The following ALPK1 variants were observed in gnomAD, a reference collection of about 807,000 sequenced individuals.
The protein encoded by ALPK1 is alpha kinase 1, also known as alpha-protein kinase 1.
In ALPK1, 110 loss-of-function variants were observed where a neutral mutation model predicts 120.6. The ratio of observed to expected loss-of-function variants is 0.91; its 90% CI spans 0.78 to 1.07. The LOEUF (loss-of-function observed/expected upper bound fraction) is 1.07. Ranked by LOEUF, ALPK1 falls within the 50% of genes least tolerant of loss-of-function variation. ALPK1 has a pLI of 0.00. For synonymous variants in ALPK1, 582 were observed against 560.3 expected, an observed-to-expected ratio of 1.04 and a Z score of -0.55; for missense variants, 1,498 against 1,483.9, an observed-to-expected ratio of 1.01 and a Z score of -0.16.
chr4:112,323,673 A>T (rs1463910597), intron 2 of ALPK1, among the ~76,000 whole-genome samples: 1 of 152,228 alleles, frequency 6.6e-6, no homozygotes, highest in African/African-American at 2.4e-5. Flanking sequence ...ATGAATATTT[A>T]GGAAATTACA....
rs1027253865 is a variant in ALPK1 at position 112,357,817 on chromosome 4, G to C, written c.-100-19861G>C. 7.7e-6 allele frequency: 8 copies of C among 1,034,948 alleles called. No individual in the cohort carries two copies. The African/African-American group carries it at 7.9e-5, about 10-fold the overall frequency. The allele number at this position is 1,034,948 out of a possible 1,614,324, so 64.1% of individuals were successfully genotyped here. A position where few individuals can be genotyped will look rare whatever the true frequency, so the allele number is the denominator to read the frequency against. ...CTTCTTCCCTTCATATCCCATCATG[G>C]AAAAGAGCCTGGAGTTCTGGCAGGC... On this transcript the variant is annotated intron_variant, in intron 2 of 15. Coordinates refer to ENST00000650871, the MANE Select transcript of ALPK1 (RefSeq NM_025144.4).
At chr4:112,318,371 G>C (rs779251600) in intron 2 of ALPK1, among the ~76,000 whole-genome samples, 3 of 152,202 alleles carry the variant, frequency 2.0e-5, no homozygotes, top group Non-Finnish European at 4.4e-5. Context: ...TCCATTTAAA[G>C]ATGAAGAAAC....
intron 1 of ALPK1, among the ~76,000 whole-genome samples, chr4:112,308,171 G>A (rs538781965): frequency 2.0e-5 from 3 of 152,156 alleles, no homozygotes; most frequent in African/African-American, 2.4e-5. Context: ...CTCTCTGGCC[G>A]CCCTTAACAT....
intron 2 of ALPK1, among the ~76,000 whole-genome samples, chr4:112,374,276 C>T (rs1431241019): frequency 3.9e-5 from 6 of 152,202 alleles, no homozygotes; most frequent in Admixed American, 3.9e-4. Context: ...AACCACCTTC[C>T]TTGCCCATCT....
chr4:112,320,331 T>C (rs1391352606), intron 2 of ALPK1, among the ~76,000 whole-genome samples: 1 of 152,270 alleles, frequency 6.6e-6, no homozygotes, highest in Non-Finnish European at 1.5e-5. Context: ...ATTCTGTTTA[T>C]GTGGTGTATC....
chr4:112,326,379 T>C (rs1381634399), intron 2 of ALPK1, among the ~76,000 whole-genome samples: 2 of 152,018 alleles, frequency 1.3e-5, no homozygotes, highest in Non-Finnish European at 2.9e-5. Context: ...CATAAATAGG[T>C]CAGATAAAGA....
chr4:112,397,841 T>C lies in ALPK1; in HGVS notation c.277-13986T>C, dbSNP rs371985460. Among the ~76,000 whole-genome samples the C allele has an allele frequency of 1.8e-4, 27 of 152,276 alleles. No individual in the cohort carries two copies. In the East Asian group the frequency reaches 3.3e-3, roughly 18 times the overall value. ...CAGCTTCTTAAAATATATATATTCC[T>C]AGGTCTTACTACCTCGAGTTTCTGA... On this transcript the variant is annotated intron_variant, in intron 4 of 15. Transcript: ENST00000650871.
intron 2 of ALPK1, among the ~76,000 whole-genome samples, chr4:112,333,664 G>T (rs531922935): frequency 4.8e-4 from 73 of 152,266 alleles, no homozygotes; most frequent in African/African-American, 1.7e-3. Context: ...ACCCAAAGGA[G>T]CTATATTCCT....
intron 5 of ALPK1, 186 bp from the exon 6 acceptor site, chr4:112,423,758 G>C (rs1215354894): frequency 1.4e-5 from 10 of 712,572 alleles, no homozygotes; most frequent in Non-Finnish European, 2.5e-5. Flanking sequence ...ACCAACTTAG[G>C]AAAACTTCAT....
At chr4:112,319,839 A>T (rs924296161) in intron 2 of ALPK1, among the ~76,000 whole-genome samples, 4 of 152,204 alleles carry the variant, frequency 2.6e-5, no homozygotes, top group Non-Finnish European at 4.4e-5. Flanking sequence ...TTTGAATCTC[A>T]GCTTGGTCAC....
At chr4:112,382,310 TGCCAC>T in intron 3 of ALPK1, 83 bp from the exon 4 acceptor site, 4 of 762,294 alleles carry the variant, frequency 5.2e-6, no homozygotes, top group South Asian at 3.0e-5. Context: ...TTTTTTTTTT[TGCCAC>T]TGAGGTGCTT....
chr4:112,359,793 C>T (rs1317140627), intron 2 of ALPK1: 9 of 430,358 alleles, frequency 2.1e-5, no homozygotes, highest in Non-Finnish European at 4.1e-5. Context: ...GAGCATCATG[C>T]AGGTCTTCTG....
At chr4:112,349,560 C>CCCCG (rs1553939343) in intron 2 of ALPK1, among the ~76,000 whole-genome samples, 3 of 146,614 alleles carry the variant, frequency 2.0e-5, no homozygotes, top group East Asian at 2.1e-4. Flanking sequence ...TGCCCCCCCC[C>CCCCG]GCTTTATTTT....
intron 10 of ALPK1, among the ~76,000 whole-genome samples, chr4:112,429,832 C>T (rs1271047015): frequency 1.6e-4 from 18 of 113,270 alleles, no homozygotes; most frequent in Non-Finnish European, 2.2e-4. Flanking sequence ...AGAGCAAGAC[C>T]CTACCTCAAA....
chr4:112,337,750 C>A (rs1021979448), intron 2 of ALPK1, among the ~76,000 whole-genome samples: 7 of 151,732 alleles, frequency 4.6e-5, no homozygotes, highest in Admixed American at 3.9e-4. Flanking sequence ...CCAAGTGGCT[C>A]AATAAAAAAA....
chr4:112,332,686 A>G (rs1395283618), intron 2 of ALPK1, among the ~76,000 whole-genome samples: 13 of 152,212 alleles, frequency 8.5e-5, no homozygotes, highest in Admixed American at 8.5e-4. Flanking sequence ...TGGAAAATAA[A>G]TACAGGATGA....
intron 2 of ALPK1, among the ~76,000 whole-genome samples, chr4:112,363,198 A>G (rs114998869): frequency 6.6e-6 from 1 of 152,236 alleles, no homozygotes. Flanking sequence ...CAAGGTATTC[A>G]GGTAACAAAT....
At chr4:112,316,579 C>T (rs1024939559) in intron 2 of ALPK1, among the ~76,000 whole-genome samples, 1 of 152,052 alleles carries the variant, frequency 6.6e-6, no homozygotes, top group Non-Finnish European at 1.5e-5. Flanking sequence ...GAGGAACTGC[C>T]GTACAGTGAC....
At chr4:112,320,285 G>T (rs1320780054) in intron 2 of ALPK1, among the ~76,000 whole-genome samples, 1 of 152,116 alleles carries the variant, frequency 6.6e-6, no homozygotes, top group Non-Finnish European at 1.5e-5. Flanking sequence ...TGCTTTTTCT[G>T]CATCTATTGA....
Sources: allele counts gnomAD v4.1 joint callset (sites outside exome capture counted in the v4.1 genomes callset), GRCh38; gene constraint gnomAD v4.1.1; transcripts MANE v1.5; gene names NCBI Gene and HGNC (gene_info 2026-07-23, HGNC 2026-07-21).